The following DGKG variants were observed in gnomAD, a reference collection of about 807,000 sequenced individuals.
DGKG encodes the protein DAG kinase gamma.
In DGKG, 78 loss-of-function variants were observed where a neutral mutation model predicts 105.3. That is an observed-to-expected ratio of 0.74 (90% CI 0.62 to 0.89). DGKG has a LOEUF of 0.89. Ranked by LOEUF, DGKG falls within the 40% of genes least tolerant of loss-of-function variation. The pLI is 0.00. For synonymous variants in DGKG, 346 were observed against 367.1 expected, an observed-to-expected ratio of 0.94 and a Z score of 0.66; for missense variants, 958 against 1,020.1, an observed-to-expected ratio of 0.94 and a Z score of 0.83.
chr3:186,346,711 C>G (rs1007488132), intron 1 of DGKG, among the ~76,000 whole-genome samples: 12 of 146,264 alleles, frequency 8.2e-5, no homozygotes, highest in Non-Finnish European at 1.3e-4. Flanking sequence ...ACTGCCAGAA[C>G]AAGTTCTACA....
intron 15 of DGKG, among the ~76,000 whole-genome samples, chr3:186,260,757 G>C (rs1261100909): frequency 6.6e-6 from 1 of 152,226 alleles, no homozygotes; most frequent in Non-Finnish European, 1.5e-5. Context: ...CCTAAGCCCA[G>C]AAGCATCGCC....
chr3:186,257,324 T>G (rs1205556432), intron 17 of DGKG, among the ~76,000 whole-genome samples: 2 of 152,266 alleles, frequency 1.3e-5, no homozygotes, highest in African/African-American at 4.8e-5. Context: ...TGGGTAGAAC[T>G]CAGGCTACCA....
rs780288339 is a variant in DGKG, at chr3:186,298,273, G to A, written c.145-44C>T. On this transcript the variant is annotated intron_variant, in intron 3 of 24. Coordinates refer to ENST00000265022, the MANE Select transcript of DGKG (RefSeq NM_001346.3). ...GCAAAGTCAGTGGAGAGAAGCAAAG[G>A]GACAGAGAGGAAGAGAGAAGGAAAA... is the stretch of plus-strand genomic sequence containing the variant. 4.6e-6 allele frequency: 7 copies of A among 1,520,066 alleles called. No individual in the cohort carries two copies. The African/African-American group carries it at 9.7e-5, about 21-fold the overall frequency. The allele number at this position is 1,520,066 out of a possible 1,614,324, so 94.2% of individuals were successfully genotyped here. A position where few individuals can be genotyped will look rare whatever the true frequency, so the allele number is the denominator to read the frequency against.
chr3:186,211,889 G>A lies in DGKG; in HGVS notation c.1827-4C>T, dbSNP rs768537842. 3 of 1,612,042 alleles carry A rather than the reference G, an allele frequency of 1.9e-6. No individual in the cohort carries two copies. The highest frequency in any genetic ancestry group is 2.2e-5 in the East Asian group (1 of 44,860). On this transcript the variant is annotated splice_polypyrimidine_tract_variant and splice_region_variant and intron_variant, in intron 20 of 24. Coordinates refer to ENST00000265022, the MANE Select transcript of DGKG (RefSeq NM_001346.3). ...GTACCACAGCTTGTTCTTCATCCTG[G>A]ACCACAAAGCAGAGAGATGTCTCAA...
At chr3:186,161,754 C>T in intron 23 of DGKG, 91 bp from the exon 24 acceptor site, 1 of 1,583,186 alleles carries the variant, frequency 6.3e-7, no homozygotes, top group Non-Finnish European at 8.6e-7. Context: ...GTAGGAAAAC[C>T]TTATCTGCCT....
intron 1 of DGKG, among the ~76,000 whole-genome samples, chr3:186,336,519 T>C (rs899833023): frequency 6.6e-6 from 1 of 152,060 alleles, no homozygotes; most frequent in Non-Finnish European, 1.5e-5. Flanking sequence ...CAAAAATGAA[T>C]GAAGCCTCCA....
chr3:186,262,278 G>A (rs1389433178), intron 14 of DGKG, among the ~76,000 whole-genome samples: 3 of 152,098 alleles, frequency 2.0e-5, no homozygotes, highest in South Asian at 2.1e-4. Context: ...TCGACTGGAC[G>A]TCTCACCATC....
intron 20 of DGKG, among the ~76,000 whole-genome samples, chr3:186,235,341 G>A (rs970672704): frequency 6.6e-6 from 1 of 152,168 alleles, no homozygotes; most frequent in Non-Finnish European, 1.5e-5. Flanking sequence ...TATATTGAGG[G>A]AAGCAGGTGC....
At chr3:186,183,691 TTTTC>T (rs773370200) in intron 22 of DGKG, among the ~76,000 whole-genome samples, 67 of 151,796 alleles carry the variant, frequency 4.4e-4, no homozygotes, top group Admixed American at 7.2e-4. Context: ...CTTTCTTTTT[TTTTC>T]TTTCTTTCTT....
chr3:186,300,363 A>T (rs912647428), intron 3 of DGKG, among the ~76,000 whole-genome samples: 1 of 152,112 alleles, frequency 6.6e-6, no homozygotes, highest in African/African-American at 2.4e-5. Flanking sequence ...TCCCATTCGG[A>T]TTGGATCCTA....
intron 22 of DGKG, among the ~76,000 whole-genome samples, chr3:186,186,211 C>T (rs1239313168): frequency 2.0e-5 from 3 of 151,542 alleles, no homozygotes; most frequent in Non-Finnish European, 4.4e-5. Flanking sequence ...ATCTGATTGT[C>T]AAATAGACGG....
At chr3:186,336,259 C>T (rs748548900) in intron 1 of DGKG, among the ~76,000 whole-genome samples, 34 of 152,172 alleles carry the variant, frequency 2.2e-4, no homozygotes, top group Non-Finnish European at 3.5e-4. Context: ...AGCGTACTCC[C>T]TAATAAAACT....
At position 186,360,428 on chromosome 3, in the gene DGKG, C is replaced by T. The variant is rs565425410; in HGVS notation, c.-249+1518G>A. Reference sequence around the variant, plus strand: ...GCAAAAAAGACATAGATCAGGAGTACGACCGGGAAGTTGGCTTAGTTGCAG... The same window carrying T: ...GCAAAAAAGACATAGATCAGGAGTATGACCGGGAAGTTGGCTTAGTTGCAG... On this transcript the variant is annotated intron_variant, in intron 1 of 24. Coordinates refer to ENST00000265022, the MANE Select transcript of DGKG (RefSeq NM_001346.3). Among the ~76,000 whole-genome samples the T allele has an allele frequency of 4.0e-4, 61 of 152,152 alleles. 1 individual carries two copies. The South Asian group carries it at 4.8e-3, about 12-fold the overall frequency.
chr3:186,295,019 A>T (rs1723482645), intron 5 of DGKG, among the ~76,000 whole-genome samples: 1 of 152,168 alleles, frequency 6.6e-6, no homozygotes, highest in African/African-American at 2.4e-5. Context: ...TCCATCTATC[A>T]TGACCTGTTT....
chr3:186,301,119 A>G (rs1308745975), intron 3 of DGKG, among the ~76,000 whole-genome samples: 1 of 152,158 alleles, frequency 6.6e-6, no homozygotes, highest in Admixed American at 6.5e-5. Context: ...CATCTGTCAC[A>G]TCCAGACCTT....
chr3:186,355,245 GCTA>G (rs1726868925), intron 1 of DGKG, among the ~76,000 whole-genome samples: 1 of 149,424 alleles, frequency 6.7e-6, no homozygotes, highest in Non-Finnish European at 1.5e-5. Flanking sequence ...TACCATCACC[GCTA>G]CCACCAACAC....
intron 1 of DGKG, among the ~76,000 whole-genome samples, chr3:186,323,772 T>C (rs1421391381): frequency 2.0e-5 from 3 of 151,880 alleles, no homozygotes; most frequent in Non-Finnish European, 4.4e-5. Flanking sequence ...CCGTCTCTAC[T>C]AAAAACACAA....
intron 20 of DGKG, among the ~76,000 whole-genome samples, chr3:186,217,267 C>A (rs1719339605): frequency 6.6e-6 from 1 of 152,250 alleles, no homozygotes; most frequent in East Asian, 1.9e-4. Context: ...CTTTGGCCCA[C>A]CATTTTTTTT....
chr3:186,355,180 C>T (rs924556151), intron 1 of DGKG, among the ~76,000 whole-genome samples: 1 of 29,528 alleles, frequency 3.4e-5, no homozygotes, highest in Non-Finnish European at 6.2e-5. Context: ...CCACAACTAT[C>T]ACCACCACCA....
Sources: gnomAD v4.1 joint callset for allele counts (sites outside exome capture counted in the v4.1 genomes callset) on GRCh38, gnomAD v4.1.1 for gene constraint, MANE v1.5 for transcripts, NCBI Gene and HGNC (gene_info 2026-07-23, HGNC 2026-07-21) for gene names.